The following DDX31 variants were observed in gnomAD, a reference collection of about 807,000 sequenced individuals.
DDX31 encodes the protein DEAD-box helicase 31, also known as ATP-dependent DNA helicase DDX31.
A neutral mutation model predicts 91.3 loss-of-function variants in DDX31; 70 were observed. The ratio of observed to expected loss-of-function variants is 0.77; its 90% CI spans 0.63 to 0.94. The LOEUF (loss-of-function observed/expected upper bound fraction) is 0.94. DDX31 is among the 40% of genes least tolerant of loss of function. DDX31 has a pLI of 0.00. For synonymous variants in DDX31, 362 were observed against 350.6 expected, an observed-to-expected ratio of 1.03 and a Z score of -0.36; for missense variants, 902 against 925.0, an observed-to-expected ratio of 0.98 and a Z score of 0.32.
rs1052483989 is a variant in DDX31 at position 132,638,332 on chromosome 9, T to G, written c.1440+3672A>C. On this transcript the variant is annotated intron_variant, in intron 14 of 19. Transcript: ENST00000372159. ...CATAATGATGGTATTAAAAGCAAGG[T>G]TCCTTTCCTCTGGCTTAGGGTGAGT... The G allele has an allele frequency of 5.0e-6, 8 of 1,613,992 alleles. No individual in the cohort carries two copies. In the Admixed American group the frequency reaches 5.0e-5, roughly 10 times the overall value.
At chr9:132,648,818 C>T (rs1834001482) in intron 9 of DDX31, among the ~76,000 whole-genome samples, 1 of 152,070 alleles carries the variant, frequency 6.6e-6, no homozygotes, top group Non-Finnish European at 1.5e-5. Flanking sequence ...TAATCCAATG[C>T]TCTTTATCTG....
At chr9:132,653,914 A>G (rs1240947543) in intron 6 of DDX31, among the ~76,000 whole-genome samples, 3 of 152,226 alleles carry the variant, frequency 2.0e-5, no homozygotes, top group African/African-American at 7.2e-5. Flanking sequence ...AAGCTACAGC[A>G]ATTACAAATA....
In DDX31 at chr9:132,594,951, G is replaced by A. The variant is rs752372890; in HGVS notation, c.2156C>T (p.Pro719Leu). The change falls in exon 20 of 20, where the codon CCC becomes CTC. Residue 719 changes from proline to leucine, a missense_variant. Transcript: ENST00000372159. ...RPLQHSLQPTPCFGRGKTLKW... is the reference protein window; with the variant it reads ...RPLQHSLQPTLCFGRGKTLKW... ...TAATGTTTTCCCACGGCCAAAGCAGGGTGTCGGCTGCAGACTGTGCTGCAG... is the reference window on the plus strand; with the variant it reads ...TAATGTTTTCCCACGGCCAAAGCAGAGTGTCGGCTGCAGACTGTGCTGCAG... The A allele has an allele frequency of 6.2e-6, 10 of 1,614,044 alleles. No individual in the cohort carries two copies. The highest frequency in any genetic ancestry group is 8.5e-6 in the Non-Finnish European group (10 of 1,180,054).
At chr9:132,667,596 C>T (rs1426581827) in intron 1 of DDX31, among the ~76,000 whole-genome samples, 1 of 137,948 alleles carries the variant, frequency 7.2e-6, no homozygotes, top group Non-Finnish European at 1.5e-5. Flanking sequence ...GAGCGAGACT[C>T]CATCTCAAAA....
At chr9:132,667,988 T>C (rs918443362) in intron 1 of DDX31, among the ~76,000 whole-genome samples, 1 of 152,190 alleles carries the variant, frequency 6.6e-6, no homozygotes, top group African/African-American at 2.4e-5. Context: ...AAAGATTAAG[T>C]GACTTGCTCC....
intron 19 of DDX31, among the ~76,000 whole-genome samples, chr9:132,600,023 G>A (rs1453333047): frequency 6.6e-6 from 1 of 152,256 alleles, no homozygotes; most frequent in Non-Finnish European, 1.5e-5. Flanking sequence ...GTCACAGTGA[G>A]GGTAACAGGC....
chr9:132,620,009 T>C (rs1054715677), intron 17 of DDX31, among the ~76,000 whole-genome samples: 1 of 152,108 alleles, frequency 6.6e-6, no homozygotes, highest in Admixed American at 6.5e-5. Flanking sequence ...TCTTGTGTTT[T>C]AACTGTTTAA....
chr9:132,620,966 C>A (rs1171944231), intron 17 of DDX31, among the ~76,000 whole-genome samples: 1 of 152,224 alleles, frequency 6.6e-6, no homozygotes, highest in Non-Finnish European at 1.5e-5. Context: ...TAACATCCTA[C>A]TGATCTTGGA....
intron 17 of DDX31, 132 bp downstream of exon 17, chr9:132,625,532 A>C: frequency 1.4e-6 from 1 of 724,646 alleles, no homozygotes; most frequent in Non-Finnish European, 2.4e-6. Flanking sequence ...ATTTGGCCTC[A>C]TCTAATGTTC....
At chr9:132,652,423 T>C (rs769129325) in intron 7 of DDX31, 25 bp downstream of exon 7, 55 of 1,614,068 alleles carry the variant, frequency 3.4e-5, no homozygotes, top group East Asian at 4.5e-5. Flanking sequence ...TGCTTAAAAC[T>C]TGTCCCAAAA....
In DDX31 at chr9:132,652,896, C is replaced by T. The variant is rs1394775985; in HGVS notation, c.589-404G>A. On this transcript the variant is annotated intron_variant, in intron 6 of 19. Transcript: ENST00000372159. ...TCTGCCATGATTATGAGACCTCCCC[C>T]AGCCATGTGGAACTGTAAGTCAAAT... Among the ~76,000 whole-genome samples, 6 of 152,148 alleles carry T rather than the reference C, an allele frequency of 3.9e-5. No homozygotes were observed. The East Asian group carries it at 9.6e-4, about 24-fold the overall frequency.
chr9:132,600,352 T>G (rs976853378), intron 19 of DDX31, among the ~76,000 whole-genome samples: 1 of 152,064 alleles, frequency 6.6e-6, no homozygotes, highest in Admixed American at 6.5e-5. Flanking sequence ...TCGGCTCCAG[T>G]TGAGTCCTGC....
At chr9:132,616,742 T>C (rs1412334638) in intron 18 of DDX31, among the ~76,000 whole-genome samples, 6 of 139,046 alleles carry the variant, frequency 4.3e-5, no homozygotes, top group African/African-American at 7.4e-5. Context: ...TTGGGAATTG[T>C]TGAATTCCCT....
At chr9:132,651,494 G>A (rs976795476) in intron 7 of DDX31, among the ~76,000 whole-genome samples, 2 of 152,144 alleles carry the variant, frequency 1.3e-5, no homozygotes, top group African/African-American at 2.4e-5. Context: ...TAATATGTAC[G>A]CAGAGTAAAC....
chr9:132,631,001 C>T (rs529357222), intron 15 of DDX31, among the ~76,000 whole-genome samples: 4 of 152,358 alleles, frequency 2.6e-5, no homozygotes, highest in Non-Finnish European at 4.4e-5. Flanking sequence ...AGGTGAGGGG[C>T]AGGTTCCCTG....
At chr9:132,626,484 G>A (rs912229189) in intron 16 of DDX31, among the ~76,000 whole-genome samples, 3 of 152,216 alleles carry the variant, frequency 2.0e-5, no homozygotes, top group African/African-American at 7.2e-5. Context: ...GCATTTGAAT[G>A]TAGGGAGCAA....
At chr9:132,658,347 T>C in intron 6 of DDX31, 1 of 703,318 alleles carries the variant, frequency 1.4e-6, no homozygotes. Context: ...AAAATGTGGA[T>C]AACAGTAATA....
chr9:132,643,099 C>G (rs1298040855), intron 13 of DDX31, among the ~76,000 whole-genome samples: 9 of 152,210 alleles, frequency 5.9e-5, no homozygotes. Flanking sequence ...GCTAGGATTA[C>G]AGGCGTGAGC....
rs77596648 is a variant in DDX31 at position 132,615,100 on chromosome 9, C to T, written c.1826-2845G>A. 7.3e-3 allele frequency among the ~76,000 whole-genome samples: 1,112 copies of T among 152,200 alleles called. 14 individuals carry two copies. The highest frequency in any genetic ancestry group is 0.026 in the African/African-American group (1,062 of 41,516). On this transcript the variant is annotated intron_variant, in intron 18 of 19. Transcript: ENST00000372159. ...GAAAGCAGACATTTATTTGGGGTGACGGATGAAGCTACAGGCCACCAGAGT... is the reference window on the plus strand; with the variant it reads ...GAAAGCAGACATTTATTTGGGGTGATGGATGAAGCTACAGGCCACCAGAGT...
Sources: gnomAD v4.1 joint callset for allele counts (sites outside exome capture counted in the v4.1 genomes callset) on GRCh38, gnomAD v4.1.1 for gene constraint, MANE v1.5 for transcripts, NCBI Gene and HGNC (gene_info 2026-07-23, HGNC 2026-07-21) for gene names.